TMEM117: variants seen among roughly 807,000 people sequenced by gnomAD.
The protein encoded by TMEM117 is transmembrane protein 117.
In TMEM117, 27 loss-of-function variants were observed where a neutral mutation model predicts 52.4. The ratio of observed to expected loss-of-function variants is 0.51; its 90% CI spans 0.38 to 0.71. TMEM117 has a LOEUF of 0.71. Among genes scored for constraint, TMEM117 ranks in the 30% least tolerant of loss-of-function variants. TMEM117 has a pLI of 0.00. For missense variants in TMEM117, 556 were observed against 630.5 expected, an observed-to-expected ratio of 0.88 and a Z score of 1.26; for synonymous variants, 215 against 206.3, an observed-to-expected ratio of 1.04 and a Z score of -0.36.
intron 3 of TMEM117, among the ~76,000 whole-genome samples, chr12:44,040,425 A>C (rs1238157639): frequency 6.6e-6 from 1 of 152,098 alleles, no homozygotes; most frequent in Non-Finnish European, 1.5e-5. Flanking sequence ...ATATTTCCTT[A>C]TATAAGCTTT....
chr12:44,321,535 A>G (rs1951129194), intron 6 of TMEM117, among the ~76,000 whole-genome samples: 2 of 152,236 alleles, frequency 1.3e-5, no homozygotes, highest in South Asian at 4.1e-4. Flanking sequence ...AGAGGTAAAA[A>G]TATTATGATA....
At chr12:43,828,609 C>T in the TMEM117 span, among the ~76,000 whole-genome samples, 4 of 152,108 alleles carry the variant, frequency 2.6e-5, no homozygotes, top group South Asian at 4.1e-4. Context: ...ATTTTTGTTT[C>T]TTATTATTTA....
chr12:44,164,186 T>A (rs1429982726), intron 4 of TMEM117, among the ~76,000 whole-genome samples: 1 of 152,164 alleles, frequency 6.6e-6, no homozygotes, highest in South Asian at 2.1e-4. Context: ...CTTCTTTTTT[T>A]CTTCAATGAA....
At chr12:44,289,707 C>T (rs1442378215) in intron 5 of TMEM117, among the ~76,000 whole-genome samples, 1 of 151,960 alleles carries the variant, frequency 6.6e-6, no homozygotes, top group Non-Finnish European at 1.5e-5. Context: ...CGCCCGCCAC[C>T]ATGCCTGGCT....
At chr12:43,834,379 T>C (rs768219221), upstream of TMEM117, among the ~76,000 whole-genome samples, 1 of 152,230 alleles carries the variant, frequency 6.6e-6, no homozygotes, top group Non-Finnish European at 1.5e-5. Flanking sequence ...TAACTTACTA[T>C]GTTAGGTACT....
intron 3 of TMEM117, among the ~76,000 whole-genome samples, chr12:44,087,929 A>G (rs1947599598): frequency 6.6e-6 from 1 of 152,230 alleles, no homozygotes; most frequent in Non-Finnish European, 1.5e-5. Context: ...AGTGGTTCTC[A>G]AACTTTTTGA....
At chr12:43,867,633 A>G (rs538256085) in intron 2 of TMEM117, among the ~76,000 whole-genome samples, 15 of 150,358 alleles carry the variant, frequency 1.0e-4, no homozygotes, top group African/African-American at 3.5e-4. Context: ...AGGATGGAAA[A>G]TGAATATATC....
At chr12:44,143,661 A>G in intron 4 of TMEM117, 37 bp downstream of exon 4, 1 of 1,458,860 alleles carries the variant, frequency 6.9e-7, no homozygotes. Flanking sequence ...TCAAACATCA[A>G]ACGGAAGACA....
chr12:43,830,334 C>A, the TMEM117 span, among the ~76,000 whole-genome samples: 3 of 151,398 alleles, frequency 2.0e-5, no homozygotes, highest in Non-Finnish European at 3.0e-5. Flanking sequence ...TAGAGCCAGG[C>A]GTGGTGGATC....
chr12:44,396,060 T>C, the TMEM117 span, among the ~76,000 whole-genome samples: 1 of 152,254 alleles, frequency 6.6e-6, no homozygotes, highest in African/African-American at 2.4e-5. Context: ...CAAACATCAA[T>C]TTGAGAACCA....
chr12:44,121,115 T>G (rs1948226922), intron 3 of TMEM117, among the ~76,000 whole-genome samples: 1 of 152,112 alleles, frequency 6.6e-6, no homozygotes, highest in Admixed American at 6.5e-5. Flanking sequence ...TCAGATCTTG[T>G]GAGACTTATT....
rs1472287109 is a variant in TMEM117, at chr12:44,148,214, G to A, written c.510+4590G>A. 2.6e-5 allele frequency among the ~76,000 whole-genome samples: 4 copies of A among 152,160 alleles called. No individual in the cohort carries two copies. The South Asian group carries it at 8.3e-4, about 32-fold the overall frequency. ...CCAGTTGGCTTTACTTTTATTTAAG[G>A]CATTTATAGTGACCGTCTGTTTATA... is the stretch of plus-strand genomic sequence containing the variant. On this transcript the variant is annotated intron_variant, in intron 4 of 7. Coordinates refer to ENST00000266534, the MANE Select transcript of TMEM117 (RefSeq NM_032256.3).
chr12:44,122,207 G>A (rs550676198), intron 3 of TMEM117, among the ~76,000 whole-genome samples: 1 of 152,002 alleles, frequency 6.6e-6, no homozygotes, highest in African/African-American at 2.4e-5. Context: ...ACCATGCCTA[G>A]CTAATTTTTT....
intron 4 of TMEM117, among the ~76,000 whole-genome samples, chr12:44,161,177 C>T (rs1245351830): frequency 6.6e-6 from 1 of 152,064 alleles, no homozygotes; most frequent in Admixed American, 6.6e-5. Flanking sequence ...ACAAATTAAA[C>T]CCTGGAAGTT....
At chr12:44,060,312 A>G (rs1947119925) in intron 3 of TMEM117, among the ~76,000 whole-genome samples, 1 of 152,194 alleles carries the variant, frequency 6.6e-6, no homozygotes, top group Non-Finnish European at 1.5e-5. Flanking sequence ...TTTCTGGGGA[A>G]AGTTTGGGGC....
At chr12:44,304,482 C>A (rs12315779) in intron 6 of TMEM117, among the ~76,000 whole-genome samples, 5,921 of 152,258 alleles carry the variant, frequency 0.039, 390 homozygotes, top group African/African-American at 0.13. Flanking sequence ...TAGTGAGACA[C>A]CAGCCAGGGT....
intron 3 of TMEM117, among the ~76,000 whole-genome samples, chr12:44,068,069 C>T (rs370330829): frequency 1.3e-5 from 2 of 152,126 alleles, no homozygotes; most frequent in South Asian, 2.1e-4. Context: ...ATGATCCAAC[C>T]TCTGCTAACT....
At chr12:44,295,662 C>T (rs1950758930) in intron 5 of TMEM117, among the ~76,000 whole-genome samples, 1 of 150,704 alleles carries the variant, frequency 6.6e-6, no homozygotes, top group South Asian at 2.1e-4. Context: ...TTGTATTCTT[C>T]AATCCAGGAT....
intron 3 of TMEM117, among the ~76,000 whole-genome samples, chr12:44,003,479 C>G (rs147158010): frequency 1.2e-4 from 18 of 152,292 alleles, no homozygotes; most frequent in Non-Finnish European, 2.5e-4. Context: ...TCTCACAGAC[C>G]CTTTCTTGTC....
Sources: gnomAD v4.1 joint callset for allele counts (sites outside exome capture counted in the v4.1 genomes callset) on GRCh38, gnomAD v4.1.1 for gene constraint, MANE v1.5 for transcripts, NCBI Gene and HGNC (gene_info 2026-07-23, HGNC 2026-07-21) for gene names.